Variants in YEATS4 observed in about 807,000 individuals in gnomAD.
The protein encoded by YEATS4 is YEATS domain containing 4.
A neutral mutation model predicts 30.1 loss-of-function variants in YEATS4; 17 were observed. That is an observed-to-expected ratio of 0.56 (90% CI 0.39 to 0.85). YEATS4 has a LOEUF of 0.85. Ranked by LOEUF, YEATS4 falls within the 40% of genes least tolerant of loss-of-function variation. The probability of loss-of-function intolerance (pLI) is 0.00; values close to 1 mark genes in which losing one functional copy is unlikely to be tolerated. For missense variants in YEATS4, 142 were observed against 268.3 expected, an observed-to-expected ratio of 0.53 and a Z score of 3.29; for synonymous variants, 85 against 87.5, an observed-to-expected ratio of 0.97 and a Z score of 0.16.
chr12:69,413,217 A>G, the YEATS4 span, among the ~76,000 whole-genome samples: 1 of 152,164 alleles, frequency 6.6e-6, no homozygotes, highest in Non-Finnish European at 1.5e-5. Flanking sequence ...GGGCAAGACC[A>G]GTCTGGCCAA....
At chr12:69,394,011 A>C (rs1022773076), downstream of YEATS4, among the ~76,000 whole-genome samples, 1 of 152,198 alleles carries the variant, frequency 6.6e-6, no homozygotes, top group Admixed American at 6.5e-5. Context: ...TAATTCTAGC[A>C]AATTCTTCAG....
At chr12:69,378,631 ACAAG>A (rs1181643260) in intron 6 of YEATS4, among the ~76,000 whole-genome samples, 1 of 152,218 alleles carries the variant, frequency 6.6e-6, no homozygotes, top group Non-Finnish European at 1.5e-5. Context: ...GATTGCATAA[ACAAG>A]CAAGCAAAAA....
At chr12:69,371,381 T>A (rs1164225846) in intron 6 of YEATS4, among the ~76,000 whole-genome samples, 2 of 152,244 alleles carry the variant, frequency 1.3e-5, no homozygotes, top group Non-Finnish European at 2.9e-5. Flanking sequence ...TTTGCTGATG[T>A]CATTTTACAT....
At chr12:69,418,777 A>G in the YEATS4 span, among the ~76,000 whole-genome samples, 1 of 152,004 alleles carries the variant, frequency 6.6e-6, no homozygotes, top group Non-Finnish European at 1.5e-5. Flanking sequence ...ATAATTGCCA[A>G]TAAGTTGTAA....
intron 1 of YEATS4, among the ~76,000 whole-genome samples, chr12:69,360,989 G>A (rs972923826): frequency 1.3e-5 from 2 of 151,620 alleles, no homozygotes; most frequent in Non-Finnish European, 2.9e-5. Context: ...CCTGAGATCA[G>A]AAGTTCAAGA....
intron 6 of YEATS4, among the ~76,000 whole-genome samples, chr12:69,386,336 G>T (rs1445312777): frequency 6.6e-6 from 1 of 152,158 alleles, no homozygotes; most frequent in East Asian, 1.9e-4. Flanking sequence ...GGTCTCCCTG[G>T]CTAGTTTTAA....
chr12:69,399,170 C>A, the YEATS4 span, among the ~76,000 whole-genome samples: 7 of 149,392 alleles, frequency 4.7e-5, no homozygotes, highest in East Asian at 9.9e-4. Context: ...AACAAACAAA[C>A]AAAAAAACTT....
intron 1 of YEATS4, among the ~76,000 whole-genome samples, chr12:69,362,015 T>TTTTTTTTTTTTTTG (rs1565673697): frequency 6.3e-5 from 7 of 111,738 alleles, no homozygotes; most frequent in African/African-American, 2.3e-4. Flanking sequence ...GTTTGGTTGT[T>TTTTTTTTTTTTTTG]TTTTTTTTTT....
intron 1 of YEATS4, 46 bp from the exon 2 acceptor site, chr12:69,362,742 G>C (rs1308380761): frequency 6.8e-7 from 1 of 1,462,450 alleles, no homozygotes; most frequent in Non-Finnish European, 9.3e-7. Context: ...TGCATATTTA[G>C]CTAATGGTAC....
chr12:69,361,852 C>G (rs1415007113), intron 1 of YEATS4, among the ~76,000 whole-genome samples: 3 of 152,136 alleles, frequency 2.0e-5, no homozygotes, highest in African/African-American at 7.2e-5. Flanking sequence ...TGTCATCAGC[C>G]ACTATTTACC....
the YEATS4 span, among the ~76,000 whole-genome samples, chr12:69,420,986 G>T: frequency 1.3e-5 from 2 of 152,096 alleles, no homozygotes; most frequent in South Asian, 4.1e-4. Context: ...ACTTAATTTC[G>T]TTGACAAATA....
At chr12:69,386,379 T>C (rs1393899930) in intron 6 of YEATS4, among the ~76,000 whole-genome samples, 3 of 152,258 alleles carry the variant, frequency 2.0e-5, no homozygotes, top group Non-Finnish European at 2.9e-5. Flanking sequence ...GGACTCCTTG[T>C]CTTTATGCTG....
Position 69,359,779 on chromosome 12 carries a change from A to G in YEATS4, c.-194A>G, listed in dbSNP as rs1875103220. 2 of 621,702 alleles carry G rather than the reference A, an allele frequency of 3.2e-6. No homozygotes were observed. Among genetic ancestry groups the G allele is most frequent in the South Asian group, 2.2e-5 (1 of 46,284 alleles). The allele number at this position is 621,702 out of a possible 1,614,324, so 38.5% of individuals were successfully genotyped here. A position where few individuals can be genotyped will look rare whatever the true frequency, so the allele number is the denominator to read the frequency against. ...GCGTTCTCCACCTGCGCGGGCCTGA[A>G]TGGCCTTCAGGAGCACAGTCGGCCT... On this transcript the variant is annotated 5_prime_UTR_variant, in exon 1 of 7. It removes an upstream start codon present in the reference 5' UTR. Transcript: ENST00000247843.
intron 6 of YEATS4, among the ~76,000 whole-genome samples, chr12:69,374,894 T>C (rs1358231007): frequency 6.6e-6 from 1 of 152,106 alleles, no homozygotes; most frequent in African/African-American, 2.4e-5. Flanking sequence ...AGCTGTTAGG[T>C]ACACCTCCCA....
At chr12:69,371,959 T>C (rs569161262) in intron 6 of YEATS4, among the ~76,000 whole-genome samples, 1 of 152,248 alleles carries the variant, frequency 6.6e-6, no homozygotes, top group South Asian at 2.1e-4. Context: ...GAGGGAGCAG[T>C]GAGGACAAAG....
chr12:69,397,486 A>T, the YEATS4 span, among the ~76,000 whole-genome samples: 1 of 152,138 alleles, frequency 6.6e-6, no homozygotes, highest in Non-Finnish European at 1.5e-5. Flanking sequence ...TTCTCAAGAT[A>T]GTGAATAAGT....
At chr12:69,407,039 T>G in the YEATS4 span, among the ~76,000 whole-genome samples, 1 of 152,180 alleles carries the variant, frequency 6.6e-6, no homozygotes, top group African/African-American at 2.4e-5. Flanking sequence ...GATCTTGAAC[T>G]TCTGGCCTCA....
chr12:69,408,443 A>G, the YEATS4 span, among the ~76,000 whole-genome samples: 2 of 152,354 alleles, frequency 1.3e-5, no homozygotes, highest in African/African-American at 4.8e-5. Context: ...GTAAATTTGT[A>G]GATCAGAAAT....
At chr12:69,360,511 ACAAAGCCT>A (rs985203352) in intron 1 of YEATS4, among the ~76,000 whole-genome samples, 2 of 152,232 alleles carry the variant, frequency 1.3e-5, no homozygotes, top group African/African-American at 4.8e-5. Flanking sequence ...CATGGTGTTC[ACAAAGCCT>A]CAAAGCAAGA....
Sources: allele counts gnomAD v4.1 joint callset (sites outside exome capture counted in the v4.1 genomes callset), GRCh38; gene constraint gnomAD v4.1.1; transcripts MANE v1.5; gene names NCBI Gene and HGNC (gene_info 2026-07-23, HGNC 2026-07-21).